Variants in DOCK5 observed in about 807,000 individuals in gnomAD.
DOCK5 encodes dedicator of cytokinesis 5.
DOCK5 carries 142 observed loss-of-function variants against 251.8 expected under a neutral mutation model. That is an observed-to-expected ratio of 0.56 (90% CI 0.49 to 0.65). DOCK5 has a LOEUF of 0.65. DOCK5 is among the 30% of genes least tolerant of loss of function. The pLI is 0.00. For missense variants in DOCK5, 2,111 were observed against 2,312.3 expected, an observed-to-expected ratio of 0.91 and a Z score of 1.79; for synonymous variants, 842 against 835.5, an observed-to-expected ratio of 1.01 and a Z score of -0.13.
At position 25,360,432 on chromosome 8, in the gene DOCK5, G is replaced by C. The variant is rs1041356464; in HGVS notation, c.2949+1371G>C. Among the ~76,000 whole-genome samples, 4 of 151,998 alleles carry C rather than the reference G, an allele frequency of 2.6e-5. No individual in the cohort carries two copies. The South Asian group carries it at 6.2e-4, about 24-fold the overall frequency. On this transcript the variant is annotated intron_variant, in intron 28 of 51. Transcript: ENST00000276440. ...GCGCAAGAGGCCCAGTATGGGGGGT[G>C]GGGGGTGGAGGAGGAAGCCCAAGGT...
intron 1 of DOCK5, among the ~76,000 whole-genome samples, chr8:25,215,936 C>G (rs879868178): frequency 1.1e-5 from 1 of 93,640 alleles, no homozygotes; most frequent in African/African-American, 4.4e-5. Flanking sequence ...AATAAATACA[C>G]ACACACACAC....
rs767100714 is a variant in DOCK5 at position 25,369,634 on chromosome 8, G to C, written c.3517G>C (p.Glu1173Gln). 10 of 1,606,338 alleles carry C rather than the reference G, an allele frequency of 6.2e-6. No individual in the cohort carries two copies. In the East Asian group the frequency reaches 2.0e-4, roughly 32 times the overall value. The change falls in exon 34 of 52, where the codon GAA becomes CAA. Residue 1173 changes from glutamate (E) to glutamine (Q), a missense_variant. By Grantham distance (29) the Glu-to-Gln change is conservative. This residue lies in a region of DOCK5 where 1,717 missense variants were observed against 1,892.4 expected (regional missense o/e 0.91). Coordinates refer to ENST00000276440, the MANE Select transcript of DOCK5 (RefSeq NM_024940.8). ...RGDEQYKVLLEKLLLEHCRKH... is the reference protein window; with the variant it reads ...RGDEQYKVLLQKLLLEHCRKH... ...AGACGAACAATACAAGGTTCTTCTGGAAAAACTGTGAGTATTTCAGGAACG... is the reference window on the plus strand; with the variant it reads ...AGACGAACAATACAAGGTTCTTCTGCAAAAACTGTGAGTATTTCAGGAACG...
intron 14 of DOCK5, chr8:25,317,340 T>C: frequency 3.9e-6 from 2 of 515,338 alleles, no homozygotes; most frequent in Non-Finnish European, 6.5e-6. Context: ...TATTTTTATA[T>C]TTCTCCTGTG....
intron 13 of DOCK5, among the ~76,000 whole-genome samples, chr8:25,312,466 A>G (rs953610654): frequency 1.3e-5 from 2 of 152,160 alleles, no homozygotes; most frequent in African/African-American, 2.4e-5. Flanking sequence ...TGGTTTTAAA[A>G]TTCATCTAGA....
rs557582443 is a variant in DOCK5, at chr8:25,349,325, A to T, written c.2755-2406A>T. The stretch of plus-strand genomic sequence containing the variant: ...AACTATGAAAAACAGACTATGAAAA[A>T]CAGGGAATGCAAATTATTAGTATGA... On this transcript the variant is annotated intron_variant, in intron 26 of 51. Transcript: ENST00000276440. Among the ~76,000 whole-genome samples, 16 of 152,294 alleles carry T rather than the reference A, an allele frequency of 1.1e-4. No individual in the cohort carries two copies. The South Asian group carries it at 3.3e-3, about 32-fold the overall frequency.
chr8:25,369,641 TGTGA>T lies in DOCK5; in HGVS notation c.3524+3_3524+6del. 2 of 1,604,832 alleles carry T rather than the reference TGTGA, an allele frequency of 1.2e-6. No homozygotes were observed. Among genetic ancestry groups the T allele is most frequent in the Non-Finnish European group, 1.7e-6 (2 of 1,175,532 alleles). On this transcript the variant is annotated splice_donor_variant and splice_donor_region_variant and intron_variant, in intron 34 of 51. Coordinates refer to ENST00000276440, the MANE Select transcript of DOCK5 (RefSeq NM_024940.8). LOFTEE classifies it high-confidence loss of function. Reference sequence around the variant, plus strand: ...CAATACAAGGTTCTTCTGGAAAAACTGTGAGTATTTCAGGAACGAAACCTGAAGT... The same window carrying T: ...CAATACAAGGTTCTTCTGGAAAAACTGTATTTCAGGAACGAAACCTGAAGT...
chr8:25,345,240 CTG>C (rs964511930), intron 25 of DOCK5, among the ~76,000 whole-genome samples: 3 of 149,424 alleles, frequency 2.0e-5, no homozygotes, highest in African/African-American at 7.6e-5. Context: ...CCACCTTCAC[CTG>C]TGAGAAGGGT....
At chr8:25,227,998 C>T (rs961087732) in intron 1 of DOCK5, among the ~76,000 whole-genome samples, 3 of 152,134 alleles carry the variant, frequency 2.0e-5, no homozygotes, top group African/African-American at 7.2e-5. Context: ...GATCCTCCCA[C>T]CTCAGCCTCC....
intron 28 of DOCK5, among the ~76,000 whole-genome samples, chr8:25,360,272 T>C (rs1007714829): frequency 6.6e-6 from 1 of 152,236 alleles, no homozygotes; most frequent in Non-Finnish European, 1.5e-5. Context: ...GTTGGTTCCA[T>C]GGTGGACTCT....
intron 2 of DOCK5, among the ~76,000 whole-genome samples, chr8:25,247,824 C>T (rs567190281): frequency 2.0e-5 from 3 of 152,290 alleles, no homozygotes; most frequent in African/African-American, 4.8e-5. Flanking sequence ...GCTCACACTA[C>T]GATATGCTTG....
intron 3 of DOCK5, among the ~76,000 whole-genome samples, chr8:25,273,949 C>T (rs537725358): frequency 2.0e-4 from 31 of 152,154 alleles, no homozygotes; most frequent in Non-Finnish European, 4.0e-4. Flanking sequence ...CCCACGCCTG[C>T]CCCCGTCTCA....
intron 13 of DOCK5, among the ~76,000 whole-genome samples, chr8:25,312,878 T>G (rs1208448058): frequency 6.6e-6 from 1 of 151,706 alleles, no homozygotes; most frequent in Non-Finnish European, 1.5e-5. Context: ...TGTAGTGAGG[T>G]GAGATCATGC....
chr8:25,391,197 CTGTG>C (rs760981712), intron 42 of DOCK5, among the ~76,000 whole-genome samples: 1,167 of 22,774 alleles, frequency 0.051, 18 homozygotes, highest in Admixed American at 0.059. Context: ...ACCACCACAC[CTGTG>C]TGTGTGTGTG....
At chr8:25,229,565 A>G (rs572056371) in intron 1 of DOCK5, among the ~76,000 whole-genome samples, 1 of 152,068 alleles carries the variant, frequency 6.6e-6, no homozygotes, top group Non-Finnish European at 1.5e-5. Flanking sequence ...ACCTTTCTTC[A>G]GACTGGAAGA....
chr8:25,270,767 T>C (rs1168097806), intron 3 of DOCK5: 2 of 708,888 alleles, frequency 2.8e-6, no homozygotes, highest in South Asian at 1.5e-5. Context: ...TTTTTTAATA[T>C]AGTCATTTCC....
intron 2 of DOCK5, among the ~76,000 whole-genome samples, chr8:25,255,984 C>T (rs1342371534): frequency 6.6e-6 from 1 of 152,154 alleles, no homozygotes; most frequent in African/African-American, 2.4e-5. Context: ...AAACAGACTG[C>T]CTAAAAAACT....
At chr8:25,259,638 T>G (rs1265098706) in intron 2 of DOCK5, among the ~76,000 whole-genome samples, 1 of 151,942 alleles carries the variant, frequency 6.6e-6, no homozygotes, top group Non-Finnish European at 1.5e-5. Flanking sequence ...TAAAAAAAAT[T>G]TTTTTAGAGA....
chr8:25,230,397 G>T (rs968093245), intron 1 of DOCK5, among the ~76,000 whole-genome samples: 1 of 152,112 alleles, frequency 6.6e-6, no homozygotes, highest in South Asian at 2.1e-4. Flanking sequence ...GCTAAACGTC[G>T]CGAACCACTG....
chr8:25,220,164 T>C (rs1244672032), intron 1 of DOCK5, among the ~76,000 whole-genome samples: 4 of 152,110 alleles, frequency 2.6e-5, no homozygotes, highest in Non-Finnish European at 1.5e-5. Context: ...TTGTTTTGTT[T>C]CGTTTCGTTC....
Sources: gnomAD v4.1 joint callset for allele counts (sites outside exome capture counted in the v4.1 genomes callset) on GRCh38, gnomAD v4.1.1 for gene constraint, gnomAD v4.1.1 regional missense constraint, MANE v1.5 for transcripts, NCBI Gene and HGNC (gene_info 2026-07-23, HGNC 2026-07-21) for gene names.